The following ZDHHC20 variants were observed in gnomAD, a reference collection of about 807,000 sequenced individuals.
The protein encoded by ZDHHC20 is palmitoyltransferase ZDHHC20.
Under a neutral mutation model 57.8 loss-of-function variants are expected in ZDHHC20, and 43 were observed. The ratio of observed to expected loss-of-function variants is 0.74; its 90% CI spans 0.58 to 0.96. ZDHHC20 has a LOEUF of 0.96. Among genes scored for constraint, ZDHHC20 ranks in the 40% least tolerant of loss-of-function variants. The pLI is 0.00. For missense variants in ZDHHC20, 391 were observed against 441.1 expected (o/e 0.89, Z 1.02); for synonymous variants, 157 against 153.0 (o/e 1.03, Z -0.19).
chr13:21,414,466 T>G (rs1400595915), intron 3 of ZDHHC20, among the ~76,000 whole-genome samples: 1 of 151,142 alleles, frequency 6.6e-6, no homozygotes, highest in Admixed American at 6.6e-5. Flanking sequence ...GTTCATGCCA[T>G]TCTCCTGCCT....
rs539242033 is a variant in ZDHHC20 at position 21,409,627 on chromosome 13, T to A, written c.370+4025A>T. 5.3e-5 allele frequency among the ~76,000 whole-genome samples: 8 copies of A among 152,298 alleles called. No individual in the cohort carries two copies. The East Asian group carries it at 1.5e-3, about 29-fold the overall frequency. On this transcript the variant is annotated intron_variant, in intron 4 of 12. Transcript: ENST00000400590. ...TCTAATCTTGTCTTTATGCTTTATT[T>A]CATCAAGTTGATCTTCAATCACTGA... is the stretch of plus-strand genomic sequence containing the variant.
chr13:21,374,897 G>A lies in ZDHHC20; in HGVS notation c.*1799C>T, dbSNP rs1156924268. 3.0e-6 allele frequency: 1 copy of A among 332,152 alleles called. No homozygotes were observed. Among genetic ancestry groups the A allele is most frequent in the African/African-American group, 2.2e-5 (1 of 45,664 alleles). 20.6% of individuals were successfully genotyped at this position (332,152 alleles called of 1,614,324 possible). A position where few individuals can be genotyped will look rare whatever the true frequency, so the allele number is the denominator to read the frequency against. The stretch of plus-strand genomic sequence containing the variant: ...GCCTGTAATCCCAGCACTTTGGGAA[G>A]CTGAGGTGGGTGGATTATTTGAGGT... On this transcript the variant is annotated 3_prime_UTR_variant, in exon 13 of 13. Transcript: ENST00000400590.
chr13:21,400,497 G>A lies in ZDHHC20; in HGVS notation c.474-4C>T. On this transcript the variant is annotated splice_polypyrimidine_tract_variant and splice_region_variant and intron_variant, in intron 6 of 12. Coordinates refer to ENST00000400590, the MANE Select transcript of ZDHHC20 (RefSeq NM_001330059.2). Reference sequence around the variant, plus strand: ...AAATCCCACACAGTTATTCACCCTGGAAAAATAAAGAAAGCCACATTATAA... The same window carrying A: ...AAATCCCACACAGTTATTCACCCTGAAAAAATAAAGAAAGCCACATTATAA... 1.3e-6 allele frequency: 2 copies of A among 1,533,158 alleles called. No individual in the cohort carries two copies. The highest frequency in any genetic ancestry group is 1.3e-5 in the South Asian group (1 of 78,486). The allele number at this position is 1,533,158 out of a possible 1,614,324, so 95.0% of individuals were successfully genotyped here. A position where few individuals can be genotyped will look rare whatever the true frequency, so the allele number is the denominator to read the frequency against.
At chr13:21,405,878 C>T (rs1878365186) in intron 4 of ZDHHC20, among the ~76,000 whole-genome samples, 2 of 152,124 alleles carry the variant, frequency 1.3e-5, no homozygotes, top group African/African-American at 2.4e-5. Context: ...AAGTTAAGTC[C>T]CTGCTTCCAT....
At chr13:21,379,834 T>TTTTTTTTTTTTTTTTCA (rs1872946046) in intron 11 of ZDHHC20, among the ~76,000 whole-genome samples, 1 of 151,256 alleles carries the variant, frequency 6.6e-6, no homozygotes, top group Non-Finnish European at 1.5e-5. Flanking sequence ...TCTTTTTTTT[T>TTTTTTTTTTTTTTTTCA]GAGATGGAAT....
Position 21,429,363 on chromosome 13 carries a change from T to C in ZDHHC20, c.119-3685A>G, listed in dbSNP as rs9552425. Among the ~76,000 whole-genome samples, 772 of 152,354 alleles carry C rather than the reference T, an allele frequency of 5.1e-3. 9 individuals carry two copies. The highest frequency in any genetic ancestry group is 0.03 in the East Asian group (158 of 5,184). Reference sequence around the variant, plus strand: ...TACAACTGTCAACTTTCAACCTTGATGGGCCAGTTATATGCTGGATATAGA... The same window carrying C: ...TACAACTGTCAACTTTCAACCTTGACGGGCCAGTTATATGCTGGATATAGA... On this transcript the variant is annotated intron_variant, in intron 1 of 12. Coordinates refer to ENST00000400590, the MANE Select transcript of ZDHHC20 (RefSeq NM_001330059.2).
rs112548976 is a variant in ZDHHC20 at position 21,376,513 on chromosome 13, G to C, written c.*183C>G. The C allele has an allele frequency of 2.8e-3, 1,505 of 537,032 alleles. 24 individuals are homozygous for C. Among genetic ancestry groups the C allele is most frequent in the African/African-American group, 0.028 (1,405 of 50,746 alleles). The allele number at this position is 537,032 out of a possible 1,614,324, so 33.3% of individuals were successfully genotyped here. A position where few individuals can be genotyped will look rare whatever the true frequency, so the allele number is the denominator to read the frequency against. ...TAAGGCATCATTCTGCTCTGGAGTA[G>C]TGCTTCTGTGAATCCCAGGAACTGT... On this transcript the variant is annotated 3_prime_UTR_variant, in exon 13 of 13. Coordinates refer to ENST00000400590, the MANE Select transcript of ZDHHC20 (RefSeq NM_001330059.2).
chr13:21,380,566 G>A (rs944005526), intron 11 of ZDHHC20, among the ~76,000 whole-genome samples: 10 of 151,802 alleles, frequency 6.6e-5, no homozygotes, highest in Admixed American at 5.9e-4. Flanking sequence ...GGCTGAGGCG[G>A]GTGGATCACA....
chr13:21,435,898 G>C (rs191637124), intron 1 of ZDHHC20, among the ~76,000 whole-genome samples: 1 of 152,230 alleles, frequency 6.6e-6, no homozygotes, highest in Non-Finnish European at 1.5e-5. Flanking sequence ...ATATGTGAAA[G>C]GAAGGGGGAA....
At chr13:21,449,153 C>T (rs4990057) in intron 1 of ZDHHC20, among the ~76,000 whole-genome samples, 58,675 of 142,896 alleles carry the variant, frequency 0.41, 12,189 homozygotes, top group Non-Finnish European at 0.43. Flanking sequence ...GACCTTCCCT[C>T]CACTATTGTC....
intron 1 of ZDHHC20, among the ~76,000 whole-genome samples, chr13:21,448,496 G>A (rs1168174454): frequency 5.0e-5 from 5 of 100,024 alleles, no homozygotes; most frequent in Admixed American, 9.6e-5. Context: ...CCGGCCAGCC[G>A]CCCCGTCCGG....
In ZDHHC20 at chr13:21,375,344, G is replaced by C; in HGVS notation, c.*1352C>G. The stretch of plus-strand genomic sequence containing the variant: ...CACTGGAAGCAATCAATTATTTTGG[G>C]GGGGGTGTGTGTGTGTGTGTGTCTG... On this transcript the variant is annotated 3_prime_UTR_variant, in exon 13 of 13. Transcript: ENST00000400590. 3 of 366,648 alleles carry C rather than the reference G, an allele frequency of 8.2e-6. No individual in the cohort carries two copies. The highest frequency in any genetic ancestry group is 3.5e-5 in the Admixed American group (1 of 28,280). The allele number at this position is 366,648 out of a possible 1,614,324, so 22.7% of individuals were successfully genotyped here.
intron 1 of ZDHHC20, among the ~76,000 whole-genome samples, chr13:21,432,490 T>C (rs1882084847): frequency 6.6e-6 from 1 of 152,032 alleles, no homozygotes; most frequent in Non-Finnish European, 1.5e-5. Context: ...CCACCATGCC[T>C]GACTAATTTT....
intron 6 of ZDHHC20, among the ~76,000 whole-genome samples, chr13:21,401,412 C>A (rs1047650563): frequency 3.3e-5 from 5 of 152,204 alleles, no homozygotes; most frequent in Admixed American, 3.3e-4. Flanking sequence ...TTAATAAATT[C>A]CATAAGGAAT....
intron 3 of ZDHHC20, among the ~76,000 whole-genome samples, chr13:21,417,214 G>A (rs950831013): frequency 1.3e-5 from 2 of 152,062 alleles, no homozygotes; most frequent in African/African-American, 4.8e-5. Context: ...CTCCCCGAAA[G>A]TAGCTTTTAC....
At position 21,451,856 on chromosome 13, in the gene ZDHHC20, T is replaced by C. The variant is rs181913153; in HGVS notation, c.118+7198A>G. ...AATACAAAAAAAAATTAGCAGGGCATGGCGGCACACACCTGTAGTCCCAAC... is the reference window on the plus strand; with the variant it reads ...AATACAAAAAAAAATTAGCAGGGCACGGCGGCACACACCTGTAGTCCCAAC... On this transcript the variant is annotated intron_variant, in intron 1 of 12. Coordinates refer to ENST00000400590, the MANE Select transcript of ZDHHC20 (RefSeq NM_001330059.2). Among the ~76,000 whole-genome samples, 125 of 151,958 alleles carry C rather than the reference T, an allele frequency of 8.2e-4. 1 individual carries two copies. In the East Asian group the frequency reaches 0.018, roughly 22 times the overall value.
chr13:21,446,081 GTGGCAGGCCACAGCA>G (rs1883668152), intron 1 of ZDHHC20, among the ~76,000 whole-genome samples: 1 of 152,214 alleles, frequency 6.6e-6, no homozygotes, highest in African/African-American at 2.4e-5. Flanking sequence ...GTCAGAAGCA[GTGGCAGGCCACAGCA>G]TCTAGAGCCT....
intron 11 of ZDHHC20, among the ~76,000 whole-genome samples, chr13:21,380,308 G>A (rs1873098430): frequency 6.6e-6 from 1 of 150,752 alleles, no homozygotes; most frequent in Non-Finnish European, 1.5e-5. Flanking sequence ...TAGAGATGGG[G>A]TTTCACCACG....
chr13:21,451,388 A>G (rs1884428360), intron 1 of ZDHHC20, among the ~76,000 whole-genome samples: 1 of 152,218 alleles, frequency 6.6e-6, no homozygotes, highest in African/African-American at 2.4e-5. Context: ...AAAGTCTACT[A>G]GCACTAGGCT....
Sources: allele counts gnomAD v4.1 joint callset (sites outside exome capture counted in the v4.1 genomes callset), GRCh38; gene constraint gnomAD v4.1.1; transcripts MANE v1.5; gene names NCBI Gene and HGNC (gene_info 2026-07-23, HGNC 2026-07-21).